Variants in CSNK1G1 observed in about 807,000 individuals in gnomAD.
CSNK1G1 encodes casein kinase I isoform gamma-1.
Under a neutral mutation model 59.6 loss-of-function variants are expected in CSNK1G1, and 22 were observed. The ratio of observed to expected loss-of-function variants is 0.37; its 90% confidence interval spans 0.26 to 0.53. The LOEUF (loss-of-function observed/expected upper bound fraction) is 0.53, where lower values mean the gene tolerates loss of function less well. Among genes scored for constraint, CSNK1G1 ranks in the 20% least tolerant of loss-of-function variants. CSNK1G1 has a pLI of 0.89. For missense variants in CSNK1G1, 384 were observed against 519.5 expected (o/e 0.74, Z 2.54); for synonymous variants, 179 against 177.1 (o/e 1.01, Z -0.08).
chr15:64,297,817 C>T (rs914052772), intron 2 of CSNK1G1, among the ~76,000 whole-genome samples: 1 of 152,138 alleles, frequency 6.6e-6, no homozygotes, highest in Non-Finnish European at 1.5e-5. Context: ...TGTAGGCTGA[C>T]TGCACCTGCC....
intron 2 of CSNK1G1, among the ~76,000 whole-genome samples, chr15:64,282,246 C>T (rs1894182740): frequency 2.6e-5 from 4 of 152,044 alleles, no homozygotes; most frequent in Admixed American, 2.6e-4. Context: ...TCTATCTCTA[C>T]ACAATTGCCT....
chr15:64,354,515 TTTA>T (rs1339992667), intron 1 of CSNK1G1, among the ~76,000 whole-genome samples: 5 of 152,368 alleles, frequency 3.3e-5, no homozygotes, highest in Admixed American at 2.0e-4. Flanking sequence ...CATATTCTAC[TTTA>T]TTATTTTGAA....
chr15:64,167,320 A>G lies in CSNK1G1; in HGVS notation c.*4611T>C, dbSNP rs1233050228. On this transcript the variant is annotated 3_prime_UTR_variant, in exon 12 of 12. Transcript: ENST00000303052. ...AAAATCACCCCCCATACACCAAAAA[A>G]CAAACTGAAAACCAAAAACAACAAC... 1 of 152,200 alleles carries G rather than the reference A, an allele frequency of 6.6e-6. No homozygotes were observed. The highest frequency in any genetic ancestry group is 2.4e-5 in the African/African-American group (1 of 41,444). The allele number at this position is 152,200 out of a possible 1,614,324, so 9.4% of individuals were successfully genotyped here.
intron 1 of CSNK1G1, among the ~76,000 whole-genome samples, chr15:64,301,207 C>T (rs2140403939): frequency 6.6e-6 from 1 of 152,248 alleles, no homozygotes. Context: ...TACCAATCAA[C>T]ACAGACAACC....
At chr15:64,228,746 T>G (rs1203843423) in intron 4 of CSNK1G1, among the ~76,000 whole-genome samples, 1 of 152,212 alleles carries the variant, frequency 6.6e-6, no homozygotes, top group Admixed American at 6.5e-5. Context: ...CCAGACATGG[T>G]GGCTCACGCC....
At position 64,181,425 on chromosome 15, in the gene CSNK1G1, C is replaced by A. The variant is rs1224095970; in HGVS notation, c.1108-971G>T. On this transcript the variant is annotated intron_variant, in intron 10 of 11. Coordinates refer to ENST00000303052, the MANE Select transcript of CSNK1G1 (RefSeq NM_022048.5). ...GACAAAACACTCTGCTTGTTAAAGA[C>A]CTTGGCTGAAACATGGGAGAGAACA... 48 of 1,526,614 alleles carry A rather than the reference C, an allele frequency of 3.1e-5. No individual in the cohort carries two copies. In the East Asian group the frequency reaches 1.2e-3, roughly 37 times the overall value. 94.6% of individuals were successfully genotyped at this position (1,526,614 alleles called of 1,614,324 possible).
At chr15:64,280,520 C>A (rs905458073) in intron 2 of CSNK1G1, among the ~76,000 whole-genome samples, 13 of 151,810 alleles carry the variant, frequency 8.6e-5, no homozygotes, top group African/African-American at 3.1e-4. Flanking sequence ...TAAAAATAGC[C>A]CGGCTAATTT....
intron 1 of CSNK1G1, among the ~76,000 whole-genome samples, chr15:64,350,279 G>T (rs1352558429): frequency 6.6e-6 from 1 of 152,040 alleles, no homozygotes; most frequent in Non-Finnish European, 1.5e-5. Flanking sequence ...GGATCACAAG[G>T]TCAGGAGATC....
intron 10 of CSNK1G1, among the ~76,000 whole-genome samples, chr15:64,184,676 CAA>C (rs59052389): frequency 7.4e-4 from 60 of 81,396 alleles, no homozygotes; most frequent in Admixed American, 1.3e-3. Flanking sequence ...AACTCTGTCT[CAA>C]AAAAAAAAAA....
chr15:64,270,194 T>C (rs1185855039), intron 2 of CSNK1G1, among the ~76,000 whole-genome samples: 1 of 152,242 alleles, frequency 6.6e-6, no homozygotes, highest in African/African-American at 2.4e-5. Context: ...TTCTCTCTTT[T>C]ATTCTTTATT....
At chr15:64,241,665 T>C (rs1020928621) in intron 4 of CSNK1G1, among the ~76,000 whole-genome samples, 18 of 152,088 alleles carry the variant, frequency 1.2e-4, no homozygotes, top group East Asian at 7.7e-4. Flanking sequence ...TTAGAAACTG[T>C]ATAAATACAT....
intron 2 of CSNK1G1, among the ~76,000 whole-genome samples, chr15:64,266,891 C>T (rs1222810076): frequency 6.6e-6 from 1 of 152,160 alleles, no homozygotes; most frequent in African/African-American, 2.4e-5. Context: ...AAATGTAAGA[C>T]CCAAAACTAT....
intron 1 of CSNK1G1, among the ~76,000 whole-genome samples, chr15:64,313,715 G>A (rs1396428514): frequency 2.0e-5 from 3 of 150,056 alleles, no homozygotes; most frequent in Admixed American, 6.7e-5. Context: ...AAAACTGCAT[G>A]TTCTGCACAG....
At chr15:64,283,466 C>G (rs529351483) in intron 2 of CSNK1G1, among the ~76,000 whole-genome samples, 53 of 152,258 alleles carry the variant, frequency 3.5e-4, no homozygotes, top group Middle Eastern at 6.8e-3. Flanking sequence ...CCTCAGCCTC[C>G]TGAGTAACTG....
Position 64,300,341 on chromosome 15 carries a change from C to T in CSNK1G1, c.159G>A (p.Gly53=), listed in dbSNP as rs367837451. The T allele has an allele frequency of 2.8e-5, 45 of 1,614,072 alleles. No homozygotes were observed. The highest frequency in any genetic ancestry group is 3.8e-5 in the Non-Finnish European group (45 of 1,180,042). ...TACCTAATCTGAGCTCTCCGAAGTT[C>T]CCACATCCTATCTTCTTGCCAACCC... is the stretch of plus-strand genomic sequence containing the variant. ...NFRVGKKIGC[G]NFGELRLGKN... Residue 53 remains glycine, a synonymous_variant, in exon 2 of 12, where the codon GGG becomes GGA. Transcript: ENST00000303052.
At chr15:64,346,362 TA>T (rs1897972609) in intron 1 of CSNK1G1, among the ~76,000 whole-genome samples, 1 of 151,138 alleles carries the variant, frequency 6.6e-6, no homozygotes, top group Non-Finnish European at 1.5e-5. Context: ...TACAAAACGA[TA>T]AAAAATTCTT....
chr15:64,234,028 AGAT>A (rs2140295556), intron 4 of CSNK1G1, among the ~76,000 whole-genome samples: 1 of 152,316 alleles, frequency 6.6e-6, no homozygotes, highest in South Asian at 2.1e-4. Context: ...TCAAATGAAA[AGAT>A]GACCACACCA....
intron 1 of CSNK1G1, 22 bp from the exon 2 acceptor site, chr15:64,300,745 A>G (rs1466440648): frequency 8.1e-7 from 1 of 1,227,570 alleles, no homozygotes; most frequent in South Asian, 4.0e-5. Context: ...TCAAGAAAAC[A>G]TGTAGTTAAA....
At chr15:64,209,161 AC>A (rs1321396779) in intron 6 of CSNK1G1, among the ~76,000 whole-genome samples, 1 of 152,134 alleles carries the variant, frequency 6.6e-6, no homozygotes, top group African/African-American at 2.4e-5. Context: ...AAGTGCTGGC[AC>A]TACAGGTGTG....
Sources: allele counts gnomAD v4.1 joint callset (sites outside exome capture counted in the v4.1 genomes callset), GRCh38; gene constraint gnomAD v4.1.1; transcripts MANE v1.5; gene names NCBI Gene and HGNC (gene_info 2026-07-23, HGNC 2026-07-21).